Variants in MRTFB observed in about 807,000 individuals in gnomAD.
MRTFB encodes the protein myocardin-related transcription factor B.
Under a neutral mutation model 104.2 loss-of-function variants are expected in MRTFB, and 29 were observed. That is an observed-to-expected ratio of 0.28 (90% CI 0.21 to 0.38). The LOEUF (loss-of-function observed/expected upper bound fraction) is 0.38. Ranked by LOEUF, MRTFB falls within the 10% of genes least tolerant of loss-of-function variation. The pLI is 1.00. For synonymous variants in MRTFB, 535 were observed against 519.5 expected, an observed-to-expected ratio of 1.03 and a Z score of -0.41; for missense variants, 1,270 against 1,341.6, an observed-to-expected ratio of 0.95 and a Z score of 0.83.
chr16:14,030,078 T>C, the MRTFB span, among the ~76,000 whole-genome samples: 1 of 151,938 alleles, frequency 6.6e-6, no homozygotes, highest in Non-Finnish European at 1.5e-5. Context: ...GGAGGGGAGC[T>C]GGGTGTTCCC....
intron 2 of MRTFB, among the ~76,000 whole-genome samples, chr16:14,085,103 A>T (rs1470922479): frequency 1.3e-5 from 2 of 152,128 alleles, no homozygotes; most frequent in African/African-American, 4.8e-5. Flanking sequence ...ATATAGCAAG[A>T]TCTCATCTCT....
intron 3 of MRTFB, among the ~76,000 whole-genome samples, chr16:14,191,601 T>C (rs147284105): frequency 0.016 from 2,454 of 152,314 alleles, 150 homozygotes; most frequent in Admixed American, 0.11. Flanking sequence ...CTGCATCTCA[T>C]AGACACATTA....
chr16:14,206,485 G>C (rs1240822618), intron 3 of MRTFB, among the ~76,000 whole-genome samples: 1 of 152,240 alleles, frequency 6.6e-6, no homozygotes, highest in Admixed American at 6.5e-5. Context: ...TTTATAAGTA[G>C]TAGTTGCTCT....
chr16:14,075,531 C>T (rs1472519854), intron 1 of MRTFB, among the ~76,000 whole-genome samples: 1 of 152,238 alleles, frequency 6.6e-6, no homozygotes, highest in Admixed American at 6.5e-5. Context: ...CTAGCCTCCT[C>T]CTCCAGGGTC....
chr16:14,063,335 T>C, the MRTFB span, among the ~76,000 whole-genome samples: 1 of 152,244 alleles, frequency 6.6e-6, no homozygotes, highest in South Asian at 2.1e-4. Flanking sequence ...TTATTATATA[T>C]TATGCCCAAA....
intron 2 of MRTFB, among the ~76,000 whole-genome samples, chr16:14,109,959 C>A (rs1449052807): frequency 3.3e-5 from 5 of 152,196 alleles, no homozygotes. Flanking sequence ...ATCTTAAATT[C>A]TGTTCCTGAG....
chr16:14,254,249 T>C (rs1409130459), intron 15 of MRTFB, among the ~76,000 whole-genome samples: 1 of 152,138 alleles, frequency 6.6e-6, no homozygotes, highest in East Asian at 1.9e-4. Flanking sequence ...AGTGGCTAAG[T>C]AAGGCCCTAC....
intron 13 of MRTFB, among the ~76,000 whole-genome samples, chr16:14,250,576 G>C (rs1249015244): frequency 6.6e-6 from 1 of 152,212 alleles, no homozygotes; most frequent in African/African-American, 2.4e-5. Flanking sequence ...GGAAAATTGA[G>C]TGTGACCACA....
At chr16:14,162,634 T>C (rs1421925846) in intron 3 of MRTFB, among the ~76,000 whole-genome samples, 11 of 152,114 alleles carry the variant, frequency 7.2e-5, no homozygotes, top group Non-Finnish European at 1.5e-5. Flanking sequence ...CACTAAAGAG[T>C]ATATACTATA....
chr16:14,075,294 C>G (rs1416025418), intron 1 of MRTFB, among the ~76,000 whole-genome samples: 1 of 152,242 alleles, frequency 6.6e-6, no homozygotes, highest in Non-Finnish European at 1.5e-5. Flanking sequence ...GTACCTTCTT[C>G]CTCAGGTGGA....
At chr16:14,121,733 C>T (rs958425576) in intron 2 of MRTFB, among the ~76,000 whole-genome samples, 1 of 152,034 alleles carries the variant, frequency 6.6e-6, no homozygotes, top group African/African-American at 2.4e-5. Flanking sequence ...AAATTTGACG[C>T]AATACCAAAG....
the MRTFB span, among the ~76,000 whole-genome samples, chr16:14,041,370 C>T: frequency 1.1e-4 from 16 of 152,188 alleles, no homozygotes; most frequent in African/African-American, 2.9e-4. Flanking sequence ...CCCCCGGCAA[C>T]CGCAATTATT....
chr16:14,201,160 C>T (rs952315309), intron 3 of MRTFB, among the ~76,000 whole-genome samples: 1 of 151,990 alleles, frequency 6.6e-6, no homozygotes, highest in African/African-American at 2.4e-5. Flanking sequence ...GCAGTTGGGG[C>T]GAGAAAGTAT....
the MRTFB span, among the ~76,000 whole-genome samples, chr16:14,047,911 C>A: frequency 6.6e-6 from 1 of 152,188 alleles, no homozygotes; most frequent in Admixed American, 6.5e-5. Flanking sequence ...TCCCAACCGT[C>A]CCCCAAAGTC....
At chr16:14,070,124 G>A (rs962755701), upstream of MRTFB, among the ~76,000 whole-genome samples, 65 of 151,982 alleles carry the variant, frequency 4.3e-4, no homozygotes, top group African/African-American at 1.3e-3. Flanking sequence ...CAGGTGGAAG[G>A]CTACCTAGAA....
chr16:14,091,856 A>G (rs1441393504), intron 2 of MRTFB, among the ~76,000 whole-genome samples: 1 of 151,898 alleles, frequency 6.6e-6, no homozygotes, highest in African/African-American at 2.4e-5. Context: ...TTAGCCAGGC[A>G]TGGTGGCAGC....
At chr16:14,090,207 T>C (rs2034971417) in intron 2 of MRTFB, among the ~76,000 whole-genome samples, 1 of 152,186 alleles carries the variant, frequency 6.6e-6, no homozygotes, top group African/African-American at 2.4e-5. Flanking sequence ...TGTTGGAAAT[T>C]TTCTTTATTT....
At chr16:14,213,486 C>A in intron 5 of MRTFB, 59 bp from the exon 6 acceptor site, 2 of 1,218,286 alleles carry the variant, frequency 1.6e-6, no homozygotes, top group Non-Finnish European at 2.3e-6. Context: ...CCTTAAAGAA[C>A]ATTTAAAACC....
At chr16:14,014,976 T>C in the MRTFB span, among the ~76,000 whole-genome samples, 1 of 152,200 alleles carries the variant, frequency 6.6e-6, no homozygotes, top group African/African-American at 2.4e-5. Context: ...TCTTTTTTTG[T>C]TTAAATAGAA....
Sources: gnomAD v4.1 joint callset for allele counts (sites outside exome capture counted in the v4.1 genomes callset) on GRCh38, gnomAD v4.1.1 for gene constraint, MANE v1.5 for transcripts, NCBI Gene and HGNC (gene_info 2026-07-23, HGNC 2026-07-21) for gene names.